SH3RF2: variants seen among roughly 807,000 people sequenced by gnomAD.
SH3RF2 encodes SH3 domain containing ring finger 2.
A neutral mutation model predicts 59.0 loss-of-function variants in SH3RF2; 43 were observed. That is an observed-to-expected ratio of 0.73 (90% CI 0.57 to 0.94). The LOEUF (loss-of-function observed/expected upper bound fraction) is 0.94. Ranked by LOEUF, SH3RF2 falls within the 40% of genes least tolerant of loss-of-function variation. The probability of loss-of-function intolerance (pLI) is 0.00; values close to 1 mark genes in which losing one functional copy is unlikely to be tolerated. For synonymous variants in SH3RF2, 391 were observed against 391.5 expected (o/e 1.00, Z 0.01); for missense variants, 930 against 940.1 (o/e 0.99, Z 0.14).
At chr5:145,997,411 C>A (rs1202243134) in intron 2 of SH3RF2, 121 of 1,311,374 alleles carry the variant, frequency 9.2e-5, no homozygotes, top group Non-Finnish European at 1.2e-4. Flanking sequence ...TCCATCTACA[C>A]TGCAACTGGT....
At position 146,002,446 on chromosome 5, in the gene SH3RF2, A is replaced by G. The variant is rs527912688; in HGVS notation, c.649-1612A>G. Among the ~76,000 whole-genome samples the G allele has an allele frequency of 2.7e-5, 4 of 150,650 alleles. No individual in the cohort carries two copies. The South Asian group carries it at 6.3e-4, about 24-fold the overall frequency. On this transcript the variant is annotated intron_variant, in intron 3 of 9. Transcript: ENST00000359120. The stretch of plus-strand genomic sequence containing the variant: ...AGCCTGGGCAACAGAGCGAGACTCC[A>G]TCTAAAAATTAAAAAAGAAAGAAAA...
chr5:146,064,780 G>GAACTA (rs779163252), downstream of SH3RF2, among the ~76,000 whole-genome samples: 1 of 21,426 alleles, frequency 4.7e-5, no homozygotes. Context: ...GGAAGGAAAG[G>GAACTA]AAGGAAGGAA....
chr5:145,997,588 C>G, intron 2 of SH3RF2: 8 of 1,605,762 alleles, frequency 5.0e-6, no homozygotes, highest in Non-Finnish European at 6.8e-6. Flanking sequence ...TTGGTTTCAG[C>G]GAGAAAAGGT....
chr5:145,987,729 CA>C (rs35309207), intron 2 of SH3RF2, among the ~76,000 whole-genome samples: 16,257 of 152,038 alleles, frequency 0.11, 2,936 homozygotes, highest in African/African-American at 0.37. Flanking sequence ...GGTCGGCACT[CA>C]AAAAAATATT....
intron 2 of SH3RF2, among the ~76,000 whole-genome samples, chr5:145,964,463 C>T (rs73310202): frequency 1.3e-5 from 2 of 151,750 alleles, no homozygotes; most frequent in Non-Finnish European, 2.9e-5. Context: ...CGCCCCACCA[C>T]GCCCCGCTAA....
chr5:146,054,093 G>A (rs1333280994), intron 7 of SH3RF2, among the ~76,000 whole-genome samples: 1 of 152,194 alleles, frequency 6.6e-6, no homozygotes, highest in Non-Finnish European at 1.5e-5. Flanking sequence ...CATAATGTCT[G>A]CAGGTCTGGG....
intron 3 of SH3RF2, among the ~76,000 whole-genome samples, chr5:146,001,258 G>C (rs938426936): frequency 6.6e-6 from 1 of 152,122 alleles, no homozygotes; most frequent in Non-Finnish European, 1.5e-5. Flanking sequence ...AACCACAGTT[G>C]GAGTTATTTT....
chr5:146,074,179 A>G (rs1425261593), intron 9 of SH3RF2, among the ~76,000 whole-genome samples: 1 of 151,898 alleles, frequency 6.6e-6, no homozygotes, highest in Non-Finnish European at 1.5e-5. Context: ...AGCTGGGACT[A>G]CAGGCGCCCA....
At chr5:146,075,666 C>G (rs1295086823) in intron 9 of SH3RF2, among the ~76,000 whole-genome samples, 1 of 151,150 alleles carries the variant, frequency 6.6e-6, no homozygotes, top group Non-Finnish European at 1.5e-5. Context: ...CAAAAATTAG[C>G]TGGGCATGGT....
At chr5:145,980,591 G>A (rs1759470909) in intron 2 of SH3RF2, among the ~76,000 whole-genome samples, 1 of 152,070 alleles carries the variant, frequency 6.6e-6, no homozygotes, top group East Asian at 1.9e-4. Flanking sequence ...ATATGTCTAT[G>A]GGAGAAATTC....
intron 2 of SH3RF2, among the ~76,000 whole-genome samples, chr5:145,983,234 T>C (rs1759571511): frequency 6.8e-6 from 1 of 147,752 alleles, no homozygotes; most frequent in African/African-American, 2.5e-5. Flanking sequence ...TGGCAAATGC[T>C]ACAAACCAGA....
At chr5:146,030,267 T>C (rs1389749585) in intron 5 of SH3RF2, among the ~76,000 whole-genome samples, 1 of 152,206 alleles carries the variant, frequency 6.6e-6, no homozygotes, top group African/African-American at 2.4e-5. Context: ...GTGTCTACCA[T>C]GTGCCCATGT....
intron 2 of SH3RF2, among the ~76,000 whole-genome samples, chr5:145,991,145 G>A (rs1054884083): frequency 7.2e-5 from 11 of 152,170 alleles, no homozygotes; most frequent in Non-Finnish European, 1.6e-4. Flanking sequence ...TCAGGTGGAT[G>A]GCAGACAATA....
At chr5:145,964,312 CTTTT>C (rs750453314) in intron 2 of SH3RF2, among the ~76,000 whole-genome samples, 4 of 111,190 alleles carry the variant, frequency 3.6e-5, no homozygotes, top group African/African-American at 1.1e-4. Flanking sequence ...TCCTTTCTTT[CTTTT>C]TTTTTTTTTT....
chr5:146,044,912 G>A (rs11167928), intron 5 of SH3RF2, among the ~76,000 whole-genome samples: 51,952 of 152,084 alleles, frequency 0.34, 9,255 homozygotes, highest in Non-Finnish European at 0.38. Context: ...TGTTCCAAGT[G>A]GGGGAAACAT....
chr5:146,056,122 C>T lies in SH3RF2; in HGVS notation c.1464C>T (p.Pro488=), dbSNP rs369712806. The T allele has an allele frequency of 1.1e-4, 174 of 1,614,070 alleles. 1 individual carries two copies. Among genetic ancestry groups the T allele is most frequent in the Non-Finnish European group, 1.4e-4 (160 of 1,180,054 alleles). The change falls in exon 8 of 10, where the codon CCC becomes CCT. Residue 488 remains proline, a synonymous_variant. Transcript: ENST00000359120. The part of the protein sequence containing the change: ...QSRPFKSVFV[P]TAIVNPVRST... ...GTCCCTTCAAATCCGTCTTTGTGCCCACTGCCATAGTCAACCCCGTGAGAA... is the reference window on the plus strand; with the variant it reads ...GTCCCTTCAAATCCGTCTTTGTGCCTACTGCCATAGTCAACCCCGTGAGAA...
intron 8 of SH3RF2, among the ~76,000 whole-genome samples, chr5:146,056,631 G>T (rs1460761069): frequency 6.6e-6 from 1 of 152,176 alleles, no homozygotes; most frequent in Non-Finnish European, 1.5e-5. Flanking sequence ...AGGAAATGAG[G>T]ATTAAGGAGG....
intron 2 of SH3RF2, among the ~76,000 whole-genome samples, chr5:145,939,526 G>A (rs980487527): frequency 6.6e-6 from 1 of 152,228 alleles, no homozygotes; most frequent in Admixed American, 6.5e-5. Context: ...ATTCAACAAT[G>A]AGGGTGGGAA....
chr5:146,001,096 A>C (rs1760390151), intron 3 of SH3RF2, among the ~76,000 whole-genome samples: 1 of 152,216 alleles, frequency 6.6e-6, no homozygotes, highest in African/African-American at 2.4e-5. Flanking sequence ...TATTTTTCAA[A>C]CATTAATTAC....
Sources: gnomAD v4.1 joint callset for allele counts (sites outside exome capture counted in the v4.1 genomes callset) on GRCh38, gnomAD v4.1.1 for gene constraint, MANE v1.5 for transcripts, NCBI Gene and HGNC (gene_info 2026-07-23, HGNC 2026-07-21) for gene names.